DTWD2: variants seen among roughly 807,000 people sequenced by gnomAD.
The protein encoded by DTWD2 is tRNA-uridine aminocarboxypropyltransferase 2.
A neutral mutation model predicts 31.8 loss-of-function variants in DTWD2; 39 were observed. The ratio of observed to expected loss-of-function variants is 1.22; its 90% CI spans 0.95 to 1.60. DTWD2 has a LOEUF of 1.60. Among genes scored for constraint, DTWD2 ranks in the 40% most tolerant of loss-of-function variants. The pLI, the probability that DTWD2 is intolerant of heterozygous loss-of-function variation, is 0.00. For missense variants in DTWD2, 515 were observed against 381.5 expected, an observed-to-expected ratio of 1.35 and a Z score of -2.92; for synonymous variants, 180 against 142.8, an observed-to-expected ratio of 1.26 and a Z score of -1.86.
intron 4 of DTWD2, among the ~76,000 whole-genome samples, chr5:118,881,112 C>G (rs1302930743): frequency 3.3e-5 from 5 of 152,108 alleles, no homozygotes; most frequent in East Asian, 1.9e-4. Context: ...ATTCCTGCAA[C>G]AAAATACTTA....
chr5:118,942,906 G>A (rs1323396794), intron 2 of DTWD2, among the ~76,000 whole-genome samples: 1 of 151,934 alleles, frequency 6.6e-6, no homozygotes, highest in African/African-American at 2.4e-5. Context: ...GTACAGAAGG[G>A]ATCCTCCCAC....
rs566036710 is a variant in DTWD2 at position 118,836,774 on chromosome 5, C to A, written c.*4143G>T. Among the ~76,000 whole-genome samples, 40 of 152,276 alleles carry A rather than the reference C, an allele frequency of 2.6e-4. No homozygotes were observed. The highest frequency in any genetic ancestry group is 8.7e-4 in the African/African-American group (36 of 41,546). The stretch of plus-strand genomic sequence containing the variant: ...TAGGTGAAGACACAGCTAGAATGCA[C>A]CATCTATGAACCAGTGAGTGGGCCC... On this transcript the variant is annotated 3_prime_UTR_variant, in exon 6 of 6. Coordinates refer to ENST00000510708, the MANE Select transcript of DTWD2 (RefSeq NM_173666.4).
At chr5:118,861,337 T>C (rs1044500063) in intron 4 of DTWD2, among the ~76,000 whole-genome samples, 2 of 152,224 alleles carry the variant, frequency 1.3e-5, no homozygotes, top group African/African-American at 2.4e-5. Context: ...CAAACTAAAA[T>C]AGTTTCATTC....
chr5:118,850,241 A>AC lies in DTWD2; in HGVS notation c.598-2024_598-2023insG. ...CACTTTGGGAGGCCGAGGCTGGCAGATCACTTGAGGCCAGGAGTTTGAGAC... is the reference window on the plus strand; with the variant it reads ...CACTTTGGGAGGCCGAGGCTGGCAGACTCACTTGAGGCCAGGAGTTTGAGAC... On this transcript the variant is annotated intron_variant, in intron 4 of 5. Coordinates refer to ENST00000510708, the MANE Select transcript of DTWD2 (RefSeq NM_173666.4). 2.0e-5 allele frequency among the ~76,000 whole-genome samples: 3 copies of AC among 148,778 alleles called. No homozygotes were observed. In the East Asian group the frequency reaches 6.0e-4, roughly 30 times the overall value.
At chr5:118,965,964 T>A (rs12519266) in intron 1 of DTWD2, among the ~76,000 whole-genome samples, 2 of 148,044 alleles carry the variant, frequency 1.4e-5, no homozygotes, top group African/African-American at 2.5e-5. Context: ...AATAAATAAA[T>A]AAAAGAAAAA....
chr5:118,922,512 C>A (rs1341259460), intron 4 of DTWD2, among the ~76,000 whole-genome samples: 3 of 152,092 alleles, frequency 2.0e-5, no homozygotes, highest in South Asian at 2.1e-4. Flanking sequence ...AATAACACTA[C>A]ATTTAGAAAT....
chr5:118,958,470 A>G (rs941543261), intron 1 of DTWD2, among the ~76,000 whole-genome samples: 3 of 151,772 alleles, frequency 2.0e-5, no homozygotes, highest in Non-Finnish European at 4.4e-5. Context: ...AAACAACAAC[A>G]ACAACAACAA....
At chr5:118,954,728 G>A (rs186460688) in intron 1 of DTWD2, among the ~76,000 whole-genome samples, 68 of 151,962 alleles carry the variant, frequency 4.5e-4, no homozygotes, top group African/African-American at 1.4e-3. Flanking sequence ...TTTTTGTAGA[G>A]GTGAAGTTTC....
intron 4 of DTWD2, among the ~76,000 whole-genome samples, chr5:118,871,411 A>C (rs931720759): frequency 3.9e-5 from 6 of 152,284 alleles, no homozygotes; most frequent in African/African-American, 1.2e-4. Context: ...CTTTTTCCAG[A>C]TCCATCAGAG....
chr5:118,849,994 T>G (rs1445351383), intron 4 of DTWD2, among the ~76,000 whole-genome samples: 1 of 150,802 alleles, frequency 6.6e-6, no homozygotes, highest in Non-Finnish European at 1.5e-5. Context: ...ATCCTGCACA[T>G]GTATCCCAGA....
In DTWD2 at chr5:118,837,959, T is replaced by C. The variant is rs1320824846; in HGVS notation, c.*2958A>G. 1 of 152,126 alleles carries C rather than the reference T, an allele frequency of 6.6e-6. No individual in the cohort carries two copies. The highest frequency in any genetic ancestry group is 1.5e-5 in the Non-Finnish European group (1 of 68,018). The allele number at this position is 152,126 out of a possible 1,614,324, so 9.4% of individuals were successfully genotyped here. On this transcript the variant is annotated 3_prime_UTR_variant, in exon 6 of 6. Transcript: ENST00000510708. ...AATAAATCACTAACTGGTGGTATAG[T>C]GAGGAGCTTATTTCTTCCAAAATAT...
intron 1 of DTWD2, among the ~76,000 whole-genome samples, chr5:118,979,476 T>C: frequency 6.6e-6 from 1 of 152,102 alleles, no homozygotes; most frequent in East Asian, 1.9e-4. Context: ...GAAGCAGAAA[T>C]ATCATGTGAC....
At chr5:118,985,517 T>TATATATATATATACAC (rs1554072595) in intron 1 of DTWD2, among the ~76,000 whole-genome samples, 9 of 107,738 alleles carry the variant, frequency 8.4e-5, no homozygotes, top group East Asian at 2.3e-4. Context: ...TATATATATA[T>TATATATATATATACAC]ACACACACAT....
chr5:118,895,375 T>C (rs544761540), intron 4 of DTWD2, among the ~76,000 whole-genome samples: 8 of 152,212 alleles, frequency 5.3e-5, no homozygotes, highest in African/African-American at 1.9e-4. Flanking sequence ...TACAAAAAAA[T>C]GGAAAGATAT....
chr5:118,973,742 T>C (rs1755054775), intron 1 of DTWD2: 1 of 1,597,582 alleles, frequency 6.3e-7, no homozygotes, highest in African/African-American at 1.3e-5. Flanking sequence ...CCAGAGTCCC[T>C]GAACTCTCGC....
chr5:118,904,882 T>C (rs1161207415), intron 4 of DTWD2, among the ~76,000 whole-genome samples: 1 of 152,098 alleles, frequency 6.6e-6, no homozygotes, highest in Non-Finnish European at 1.5e-5. Flanking sequence ...CTGGGTAAAC[T>C]GAGCCAAGGA....
chr5:118,893,039 C>CGCAAAGGAATATATACAGTACT (rs1561444541), intron 4 of DTWD2, among the ~76,000 whole-genome samples: 1 of 151,168 alleles, frequency 6.6e-6, no homozygotes, highest in Non-Finnish European at 1.5e-5. Context: ...TATATATATA[C>CGCAAAGGAATATATACAGTACT]GCAAAGGAAT....
At chr5:118,854,832 A>G (rs548733928) in intron 4 of DTWD2, among the ~76,000 whole-genome samples, 8 of 152,310 alleles carry the variant, frequency 5.3e-5, no homozygotes, top group African/African-American at 1.7e-4. Flanking sequence ...ATACTTTCTT[A>G]AAGATTTTAC....
intron 1 of DTWD2, among the ~76,000 whole-genome samples, chr5:118,950,681 G>A (rs905556218): frequency 6.6e-6 from 1 of 152,220 alleles, no homozygotes; most frequent in Non-Finnish European, 1.5e-5. Flanking sequence ...GCAAGATCCT[G>A]GGGGAGGAGG....
Sources: gnomAD v4.1 joint callset for allele counts (sites outside exome capture counted in the v4.1 genomes callset) on GRCh38, gnomAD v4.1.1 for gene constraint, MANE v1.5 for transcripts, NCBI Gene and HGNC (gene_info 2026-07-23, HGNC 2026-07-21) for gene names.